Variants in NTRK1 observed in about 807,000 individuals in gnomAD.
NTRK1 encodes the protein neurotrophic receptor tyrosine kinase 1.
A neutral mutation model predicts 86.8 loss-of-function variants in NTRK1; 62 were observed. That is an observed-to-expected ratio of 0.71 (90% CI 0.58 to 0.88). The LOEUF is 0.88. NTRK1 is among the 40% of genes least tolerant of loss of function. NTRK1 has a pLI of 0.00. For synonymous variants in NTRK1, 469 were observed against 456.6 expected, an observed-to-expected ratio of 1.03 and a Z score of -0.35; for missense variants, 967 against 1,078.4, an observed-to-expected ratio of 0.90 and a Z score of 1.45.
At chr1:156,817,874 G>A (rs994497318) in intron 1 of NTRK1, among the ~76,000 whole-genome samples, 12 of 151,984 alleles carry the variant, frequency 7.9e-5, no homozygotes, top group African/African-American at 2.2e-4. Context: ...AACTCCTGGC[G>A]TCAAGTGATC....
intron 14 of NTRK1, among the ~76,000 whole-genome samples, chr1:156,877,837 T>A (rs551407622): frequency 6.6e-6 from 1 of 152,318 alleles, no homozygotes; most frequent in African/African-American, 2.4e-5. Flanking sequence ...GAGAGACCCC[T>A]GAGTCTTGGG....
intron 1 of NTRK1, chr1:156,816,230 G>T: frequency 7.2e-7 from 1 of 1,396,364 alleles, no homozygotes; most frequent in Non-Finnish European, 9.5e-7. Context: ...CAGAAGGGCA[G>T]CAGGGGAGTT....
intron 1 of NTRK1, among the ~76,000 whole-genome samples, chr1:156,834,329 T>C (rs1998977): frequency 0.58 from 87,843 of 151,956 alleles, 27,355 homozygotes; most frequent in East Asian, 0.81. Flanking sequence ...TCTAGACTGA[T>C]TGAAACATGG....
chr1:156,857,916 C>T (rs970272116), upstream of NTRK1, among the ~76,000 whole-genome samples: 1 of 152,144 alleles, frequency 6.6e-6, no homozygotes, highest in African/African-American at 2.4e-5. Context: ...TCTATATAGT[C>T]CCCCCACCCC....
rs953974597 is a variant in NTRK1, at chr1:156,876,501, C to G, written c.1734C>G (p.Val578=). The stretch of plus-strand genomic sequence containing the variant: ...AGCACATCGTGCGCTTCTTCGGCGT[C>G]TGCACCGAGGGCCGCCCCCTGCTCA... ...QHQHIVRFFG[V]CTEGRPLLMV... is the part of the protein sequence containing the mutation. Residue 578 remains valine (V), a synonymous_variant, in exon 14 of 17, where the codon GTC becomes GTG. Coordinates refer to ENST00000524377, the MANE Select transcript of NTRK1 (RefSeq NM_002529.4). 1.2e-6 allele frequency: 2 copies of G among 1,613,682 alleles called. No homozygotes were observed. Among genetic ancestry groups the G allele is most frequent in the Admixed American group, 3.3e-5 (2 of 60,002 alleles).
chr1:156,871,105 T>C (rs1647521746), intron 6 of NTRK1, among the ~76,000 whole-genome samples: 1 of 152,224 alleles, frequency 6.6e-6, no homozygotes, highest in African/African-American at 2.4e-5. Flanking sequence ...GGCAGTGAGG[T>C]CCTAGTGGGG....
At chr1:156,876,623 G>A (rs566879962) in intron 14 of NTRK1, 51 bp downstream of exon 14, 39 of 1,567,894 alleles carry the variant, frequency 2.5e-5, no homozygotes, top group Admixed American at 1.1e-4. Flanking sequence ...TCTGGGCCCC[G>A]TCTTCCCTTC....
chr1:156,852,005 A>G, intron 2 of NTRK1: 1 of 1,612,940 alleles, frequency 6.2e-7, no homozygotes, highest in Non-Finnish European at 8.5e-7. Flanking sequence ...CTCAGCTGTG[A>G]CACAGCGCCA....
chr1:156,856,068 C>T (rs1040395621), upstream of NTRK1, among the ~76,000 whole-genome samples: 2 of 151,982 alleles, frequency 1.3e-5, no homozygotes, highest in African/African-American at 4.8e-5. Flanking sequence ...CTCGGCCTCC[C>T]AAAGTGATGG....
chr1:156,836,991 G>A (rs922219127), intron 1 of NTRK1, among the ~76,000 whole-genome samples: 8 of 151,980 alleles, frequency 5.3e-5, no homozygotes, highest in African/African-American at 1.5e-4. Flanking sequence ...CCCACCCCTC[G>A]CCACACCCAC....
chr1:156,845,541 A>AACCCCCCCCCCCC, intron 2 of NTRK1: 1 of 1,288,360 alleles, frequency 7.8e-7, no homozygotes, highest in Non-Finnish European at 1.1e-6. Context: ...CCACCCACAA[A>AACCCCCCCCCCCC]CCCCACCCCT....
chr1:156,878,077 C>A (rs1257835207), intron 14 of NTRK1, among the ~76,000 whole-genome samples: 1 of 152,200 alleles, frequency 6.6e-6, no homozygotes, highest in Non-Finnish European at 1.5e-5. Context: ...GCTCTAACTG[C>A]TGGATGGAAC....
chr1:156,841,335 G>C, intron 1 of NTRK1: 1 of 1,529,560 alleles, frequency 6.5e-7, no homozygotes, highest in Non-Finnish European at 9.1e-7. Context: ...TCATGGGGCC[G>C]GGTGGGGGAG....
At chr1:156,876,713 G>A (rs1386111246) in intron 14 of NTRK1, 141 bp downstream of exon 14, 2 of 1,045,700 alleles carry the variant, frequency 1.9e-6, no homozygotes, top group Non-Finnish European at 2.8e-6. Flanking sequence ...CGTCCCCAGG[G>A]AGCTCTGAGA....
intron 1 of NTRK1, among the ~76,000 whole-genome samples, chr1:156,862,185 T>C (rs1204056347): frequency 6.6e-6 from 1 of 152,184 alleles, no homozygotes; most frequent in African/African-American, 2.4e-5. Context: ...TGGAAGTTAC[T>C]TGAGCAGCTT....
At chr1:156,844,283 G>A in intron 2 of NTRK1, 1 of 1,609,932 alleles carries the variant, frequency 6.2e-7, no homozygotes, top group Non-Finnish European at 8.5e-7. Context: ...CTCCTCCTCT[G>A]GCAGTCAGAG....
intron 4 of NTRK1, among the ~76,000 whole-genome samples, chr1:156,867,685 A>G (rs1324764396): frequency 9.6e-6 from 1 of 103,980 alleles, no homozygotes; most frequent in Non-Finnish European, 2.0e-5. Context: ...TTTTTTTTTT[A>G]TGAGACGGAG....
At chr1:156,875,438 G>T (rs997004760) in intron 11 of NTRK1, 82 bp from the exon 12 acceptor site, 1 of 1,574,636 alleles carries the variant, frequency 6.4e-7, no homozygotes, top group African/African-American at 1.3e-5. Flanking sequence ...ACAAGGTGGG[G>T]GTGACCAGGC....
intron 2 of NTRK1, among the ~76,000 whole-genome samples, chr1:156,842,815 T>C (rs983702195): frequency 1.3e-5 from 2 of 152,172 alleles, no homozygotes; most frequent in Non-Finnish European, 1.5e-5. Context: ...TAGCCATGAC[T>C]CTACAGTGGC....
Sources: gnomAD v4.1 joint callset for allele counts (sites outside exome capture counted in the v4.1 genomes callset) on GRCh38, gnomAD v4.1.1 for gene constraint, MANE v1.5 for transcripts, NCBI Gene and HGNC (gene_info 2026-07-23, HGNC 2026-07-21) for gene names.